ERC2: variants seen among roughly 807,000 people sequenced by gnomAD.
ERC2 encodes ELKS/RAB6-interacting/CAST family member 2.
Under a neutral mutation model 114.8 loss-of-function variants are expected in ERC2, and 42 were observed. The ratio of observed to expected loss-of-function variants is 0.37; its 90% CI spans 0.29 to 0.47. The LOEUF is 0.47. ERC2 is among the 20% of genes least tolerant of loss of function. The probability of loss-of-function intolerance (pLI) is 0.99; values close to 1 mark genes in which losing one functional copy is unlikely to be tolerated. For synonymous variants in ERC2, 454 were observed against 425.5 expected, an observed-to-expected ratio of 1.07 and a Z score of -0.82; for missense variants, 939 against 1,150.7, an observed-to-expected ratio of 0.82 and a Z score of 2.66.
chr3:55,979,093 T>C (rs1025698551), intron 12 of ERC2, among the ~76,000 whole-genome samples: 1 of 152,194 alleles, frequency 6.6e-6, no homozygotes, highest in South Asian at 2.1e-4. Flanking sequence ...TATAACCAAC[T>C]CATTCTCTCC....
Position 56,461,811 on chromosome 3 carries a change from G to A in ERC2, c.-141+6437C>T, listed in dbSNP as rs1435631134. Among the ~76,000 whole-genome samples the A allele has an allele frequency of 2.6e-5, 4 of 152,156 alleles. No individual in the cohort carries two copies. In the East Asian group the frequency reaches 7.7e-4, roughly 29 times the overall value. ...CAGCTCTGCTTTCTATAAATATACTGAGGGTCCAGATAAATTTTTATTTAG... is the reference window on the plus strand; with the variant it reads ...CAGCTCTGCTTTCTATAAATATACTAAGGGTCCAGATAAATTTTTATTTAG... On this transcript the variant is annotated intron_variant, in intron 1 of 17. Transcript: ENST00000288221.
At chr3:56,253,473 A>T (rs926320049) in intron 3 of ERC2, among the ~76,000 whole-genome samples, 9 of 152,234 alleles carry the variant, frequency 5.9e-5, no homozygotes, top group African/African-American at 2.2e-4. Flanking sequence ...TCTCTAAAGG[A>T]TATCTTCCAG....
At chr3:55,882,414 T>C (rs2063156457) in intron 14 of ERC2, among the ~76,000 whole-genome samples, 1 of 152,140 alleles carries the variant, frequency 6.6e-6, no homozygotes, top group Admixed American at 6.6e-5. Context: ...ATAGCAACAC[T>C]AAATGGACTA....
At chr3:55,639,252 C>T (rs911686981) in intron 17 of ERC2, among the ~76,000 whole-genome samples, 1 of 152,132 alleles carries the variant, frequency 6.6e-6, no homozygotes, top group Non-Finnish European at 1.5e-5. Flanking sequence ...AAGAGCACTA[C>T]CTTCATCCAC....
chr3:56,050,706 C>G (rs2075723349), intron 7 of ERC2, among the ~76,000 whole-genome samples: 1 of 152,170 alleles, frequency 6.6e-6, no homozygotes, highest in Admixed American at 6.5e-5. Context: ...TCATCATACT[C>G]CCTGCAACTG....
At chr3:56,228,282 G>T (rs1374128072) in intron 3 of ERC2, among the ~76,000 whole-genome samples, 2 of 152,076 alleles carry the variant, frequency 1.3e-5, no homozygotes, top group African/African-American at 2.4e-5. Context: ...ACTTTGTTGT[G>T]CAACCGTCAC....
intron 14 of ERC2, among the ~76,000 whole-genome samples, chr3:55,814,062 T>C (rs1373060636): frequency 6.6e-6 from 1 of 152,178 alleles, no homozygotes; most frequent in African/African-American, 2.4e-5. Context: ...GATGAAAGCA[T>C]TTATAAACAT....
chr3:56,211,903 A>G (rs924136818), intron 3 of ERC2, among the ~76,000 whole-genome samples: 11 of 152,330 alleles, frequency 7.2e-5, no homozygotes, highest in Admixed American at 6.5e-4. Context: ...AGTCACATGT[A>G]GAAGAATGAA....
chr3:55,882,576 T>C (rs992290502), intron 14 of ERC2, among the ~76,000 whole-genome samples: 7 of 152,248 alleles, frequency 4.6e-5, no homozygotes, highest in East Asian at 1.9e-4. Context: ...CTTTTTTTCT[T>C]GCTATTATTT....
At chr3:56,109,065 T>C (rs545390647) in intron 6 of ERC2, among the ~76,000 whole-genome samples, 32 of 152,290 alleles carry the variant, frequency 2.1e-4, no homozygotes, top group African/African-American at 2.6e-4. Flanking sequence ...AGGTTTGTTA[T>C]ATAAGTAAAC....
intron 17 of ERC2, among the ~76,000 whole-genome samples, chr3:55,511,925 T>C (rs900027227): frequency 6.6e-6 from 1 of 152,246 alleles, no homozygotes; most frequent in Admixed American, 6.5e-5. Flanking sequence ...CCCACACTAC[T>C]GCTTCAGATG....
chr3:55,852,563 T>C (rs1458182308), intron 14 of ERC2: 1 of 154,244 alleles, frequency 6.5e-6, no homozygotes, highest in Non-Finnish European at 1.5e-5. Flanking sequence ...AATTCCCTTG[T>C]AGATAATCTA....
intron 14 of ERC2, among the ~76,000 whole-genome samples, chr3:55,882,826 G>A (rs993618385): frequency 1.3e-4 from 20 of 152,144 alleles, no homozygotes; most frequent in Admixed American, 2.0e-4. Context: ...TTTGAATCAA[G>A]TTGGCCTCAG....
chr3:56,366,466 G>A (rs2059154176), intron 2 of ERC2, among the ~76,000 whole-genome samples: 1 of 152,174 alleles, frequency 6.6e-6, no homozygotes, highest in Admixed American at 6.5e-5. Flanking sequence ...CACCCATGAG[G>A]CCCCTTGTGC....
At chr3:56,032,967 A>C (rs1560057080) in intron 7 of ERC2, among the ~76,000 whole-genome samples, 15 of 103,540 alleles carry the variant, frequency 1.4e-4, no homozygotes, top group South Asian at 3.4e-4. Context: ...AACAGAAAGA[A>C]AGAAAGAAAG....
chr3:56,075,982 TATC>T (rs1307723770), intron 7 of ERC2, among the ~76,000 whole-genome samples: 1 of 152,126 alleles, frequency 6.6e-6, no homozygotes, highest in East Asian at 1.9e-4. Flanking sequence ...CCCCTGAGGT[TATC>T]ATCATTCAGA....
At chr3:56,076,675 CA>C (rs565865654) in intron 7 of ERC2, among the ~76,000 whole-genome samples, 1 of 152,128 alleles carries the variant, frequency 6.6e-6, no homozygotes, top group Non-Finnish European at 1.5e-5. Flanking sequence ...TTAGTAGGGC[CA>C]AAAATCCACT....
intron 13 of ERC2, among the ~76,000 whole-genome samples, chr3:55,896,869 C>A (rs905770736): frequency 1.3e-5 from 2 of 152,192 alleles, no homozygotes; most frequent in Non-Finnish European, 2.9e-5. Context: ...TGTGCTATTT[C>A]TGATTGTATT....
intron 13 of ERC2, among the ~76,000 whole-genome samples, chr3:55,950,112 A>C (rs1179393685): frequency 6.6e-6 from 1 of 152,232 alleles, no homozygotes; most frequent in Non-Finnish European, 1.5e-5. Flanking sequence ...ATAAATTGAA[A>C]AGGAAGACAT....
Sources: gnomAD v4.1 joint callset for allele counts (sites outside exome capture counted in the v4.1 genomes callset) on GRCh38, gnomAD v4.1.1 for gene constraint, MANE v1.5 for transcripts, NCBI Gene and HGNC (gene_info 2026-07-23, HGNC 2026-07-21) for gene names.